PLXDC2: variants seen among roughly 807,000 people sequenced by gnomAD.
The protein encoded by PLXDC2 is plexin domain containing 2, also known as plexin domain-containing protein 2.
PLXDC2 carries 40 observed loss-of-function variants against 68.9 expected under a neutral mutation model. The ratio of observed to expected loss-of-function variants is 0.58; its 90% CI spans 0.45 to 0.76. The LOEUF (loss-of-function observed/expected upper bound fraction) is 0.76, where lower values mean the gene tolerates loss of function less well. Among genes scored for constraint, PLXDC2 ranks in the 30% least tolerant of loss-of-function variants. PLXDC2 has a pLI of 0.00. For synonymous variants in PLXDC2, 243 were observed against 234.2 expected (o/e 1.04, Z -0.34); for missense variants, 644 against 661.9 (o/e 0.97, Z 0.30).
At chr10:20,239,289 A>G (rs748623166) in intron 12 of PLXDC2, among the ~76,000 whole-genome samples, 10 of 152,168 alleles carry the variant, frequency 6.6e-5, no homozygotes, top group Non-Finnish European at 1.2e-4. Flanking sequence ...ACGTTTCTTT[A>G]ATATTCCCCT....
In PLXDC2 at chr10:20,279,782, G is replaced by C. The variant is rs768003403; in HGVS notation, c.1553G>C (p.Gly518Ala). 18 of 1,613,976 alleles carry C rather than the reference G, an allele frequency of 1.1e-5. No homozygotes were observed. In the East Asian group the frequency reaches 3.8e-4, roughly 34 times the overall value. The change falls in exon 14 of 14, where the codon GGA becomes GCA. Residue 518 changes from glycine to alanine, a missense_variant. Physicochemically the swap from Gly to Ala is moderately conservative, Grantham distance 60. Coordinates refer to ENST00000377252, the MANE Select transcript of PLXDC2 (RefSeq NM_032812.9). Reference sequence around the variant, plus strand: ...GCCTATGCTGAAGTTGAACCAGTTGGAGAGAAAGAAGGCTTTATTGTATCA... The same window carrying C: ...GCCTATGCTGAAGTTGAACCAGTTGCAGAGAAAGAAGGCTTTATTGTATCA... ...HPAYAEVEPV[G>A]EKEGFIVSEQ...
rs533712043 is a variant in PLXDC2 at position 19,823,399 on chromosome 10, G to A, written c.112+6208G>A. Among the ~76,000 whole-genome samples, 359 of 151,944 alleles carry A rather than the reference G, an allele frequency of 2.4e-3. 5 individuals are homozygous for A. Among genetic ancestry groups the A allele is most frequent in the African/African-American group, 7.7e-3 (319 of 41,430 alleles). On this transcript the variant is annotated intron_variant, in intron 1 of 13. Coordinates refer to ENST00000377252, the MANE Select transcript of PLXDC2 (RefSeq NM_032812.9). ...AAGGAGGCTGTAAAAATATTGTCTC[G>A]GCTGGGCGTGGTGGCTCACACCTGT...
chr10:20,147,754 G>A, intron 5 of PLXDC2, 30 bp from the exon 6 acceptor site: 2 of 1,359,870 alleles, frequency 1.5e-6, no homozygotes, highest in African/African-American at 1.4e-5. Flanking sequence ...TTTTCTCATT[G>A]CATTTCTTCT....
At chr10:20,039,652 C>T (rs1835643269) in intron 2 of PLXDC2, among the ~76,000 whole-genome samples, 1 of 151,976 alleles carries the variant, frequency 6.6e-6, no homozygotes, top group South Asian at 2.1e-4. Context: ...TTAAAAAAAT[C>T]AACAATTAAT....
chr10:20,051,676 C>T (rs1227771433), intron 3 of PLXDC2, among the ~76,000 whole-genome samples: 3 of 151,824 alleles, frequency 2.0e-5, no homozygotes, highest in Non-Finnish European at 2.9e-5. Flanking sequence ...TGTGCTCTCC[C>T]GTGCTTTTAT....
intron 1 of PLXDC2, among the ~76,000 whole-genome samples, chr10:19,990,196 C>A (rs10764181): frequency 0.69 from 104,989 of 152,028 alleles, 37,283 homozygotes; most frequent in African/African-American, 0.85. Flanking sequence ...AAAATAAAGA[C>A]CATGATTTCT....
chr10:20,213,288 A>C (rs1427455115), intron 10 of PLXDC2, among the ~76,000 whole-genome samples: 1 of 152,060 alleles, frequency 6.6e-6, no homozygotes, highest in Non-Finnish European at 1.5e-5. Flanking sequence ...TGGATAGCCA[A>C]ATTTCAAGCA....
chr10:19,954,250 CATT>C lies in PLXDC2; in HGVS notation c.113-47522_113-47520del, dbSNP rs1834033534. Among the ~76,000 whole-genome samples the C allele has an allele frequency of 2.6e-5, 4 of 152,000 alleles. No homozygotes were observed. In the South Asian group the frequency reaches 8.3e-4, roughly 31 times the overall value. On this transcript the variant is annotated intron_variant, in intron 1 of 13. Coordinates refer to ENST00000377252, the MANE Select transcript of PLXDC2 (RefSeq NM_032812.9). The stretch of plus-strand genomic sequence containing the variant: ...TGATTTTCTCTATCAGCCCATTTAA[CATT>C]ATCTACTGAAAACAAAATTTGGTGT...
chr10:20,060,137 A>G (rs1043900565), intron 3 of PLXDC2, among the ~76,000 whole-genome samples: 1 of 152,148 alleles, frequency 6.6e-6, no homozygotes, highest in African/African-American at 2.4e-5. Context: ...GGCTCAAGCA[A>G]TCCTCCTGCC....
intron 1 of PLXDC2, among the ~76,000 whole-genome samples, chr10:19,998,149 G>T (rs898542839): frequency 6.6e-6 from 1 of 152,144 alleles, no homozygotes; most frequent in Admixed American, 6.5e-5. Context: ...TTTTACTGCA[G>T]CTGGAAAGGG....
At chr10:19,883,609 G>A (rs547966691) in intron 1 of PLXDC2, among the ~76,000 whole-genome samples, 1 of 152,010 alleles carries the variant, frequency 6.6e-6, no homozygotes, top group African/African-American at 2.4e-5. Flanking sequence ...TTCTTTTCTA[G>A]AATGTTGAAA....
At chr10:20,211,333 A>T (rs1835066610) in intron 9 of PLXDC2, among the ~76,000 whole-genome samples, 1 of 152,182 alleles carries the variant, frequency 6.6e-6, no homozygotes, top group South Asian at 2.1e-4. Flanking sequence ...TGATGAGAAA[A>T]AAAATACAAG....
intron 1 of PLXDC2, among the ~76,000 whole-genome samples, chr10:19,865,666 T>G (rs564668850): frequency 6.6e-6 from 1 of 152,362 alleles, no homozygotes; most frequent in East Asian, 1.9e-4. Context: ...TACTTTCTGT[T>G]TCAGCCCTTG....
chr10:19,904,199 A>T (rs1241665620), intron 1 of PLXDC2, among the ~76,000 whole-genome samples: 1 of 152,088 alleles, frequency 6.6e-6, no homozygotes, highest in East Asian at 1.9e-4. Context: ...TGTTAAGTCC[A>T]TTTGTTGTAG....
At chr10:20,261,049 T>A (rs989992272) in intron 13 of PLXDC2, among the ~76,000 whole-genome samples, 1 of 152,230 alleles carries the variant, frequency 6.6e-6, no homozygotes, top group African/African-American at 2.4e-5. Flanking sequence ...TTATTTGGTT[T>A]TTTTATATTG....
At chr10:19,997,009 A>T (rs1834856282) in intron 1 of PLXDC2, among the ~76,000 whole-genome samples, 1 of 152,182 alleles carries the variant, frequency 6.6e-6, no homozygotes, top group Admixed American at 6.5e-5. Flanking sequence ...ACACAGCCAA[A>T]CCATATCAGC....
Position 20,083,284 on chromosome 10 carries a change from G to C in PLXDC2, c.541+15045G>C, listed in dbSNP as rs563627556. On this transcript the variant is annotated intron_variant, in intron 4 of 13. Coordinates refer to ENST00000377252, the MANE Select transcript of PLXDC2 (RefSeq NM_032812.9). ...AGGTCAGGAGATTGACACCATCCTGGCTAACATGGTGAAACCCCGTCTCTA... is the reference window on the plus strand; with the variant it reads ...AGGTCAGGAGATTGACACCATCCTGCCTAACATGGTGAAACCCCGTCTCTA... Among the ~76,000 whole-genome samples, 41 of 151,754 alleles carry C rather than the reference G, an allele frequency of 2.7e-4. No homozygotes were observed. The East Asian group carries it at 8.0e-3, about 29-fold the overall frequency.
At chr10:20,092,095 T>C (rs1833287301) in intron 4 of PLXDC2, among the ~76,000 whole-genome samples, 1 of 152,162 alleles carries the variant, frequency 6.6e-6, no homozygotes, top group Non-Finnish European at 1.5e-5. Flanking sequence ...ACTGAACATA[T>C]GGACAATTTA....
intron 1 of PLXDC2, among the ~76,000 whole-genome samples, chr10:19,834,358 T>A (rs1007647654): frequency 2.8e-4 from 41 of 148,912 alleles, no homozygotes; most frequent in African/African-American, 8.1e-4. Flanking sequence ...AGAGAGAGTG[T>A]GTGTGTGTCT....
Sources: gnomAD v4.1 joint callset for allele counts (sites outside exome capture counted in the v4.1 genomes callset) on GRCh38, gnomAD v4.1.1 for gene constraint, MANE v1.5 for transcripts, NCBI Gene and HGNC (gene_info 2026-07-23, HGNC 2026-07-21) for gene names.